The following TBC1D14 variants were observed in gnomAD, a reference collection of about 807,000 sequenced individuals.
TBC1D14 encodes the protein TBC1 domain family, member 14.
TBC1D14 carries 26 observed loss-of-function variants against 79.0 expected under a neutral mutation model. That is an observed-to-expected ratio of 0.33 (90% confidence interval 0.24 to 0.46). The LOEUF (loss-of-function observed/expected upper bound fraction) is 0.46. Among genes scored for constraint, TBC1D14 ranks in the 20% least tolerant of loss-of-function variants. TBC1D14 has a pLI of 1.00. For synonymous variants in TBC1D14, 394 were observed against 349.9 expected, an observed-to-expected ratio of 1.13 and a Z score of -1.40; for missense variants, 769 against 887.6, an observed-to-expected ratio of 0.87 and a Z score of 1.70.
At chr4:6,992,517 G>A (rs1482272828) in intron 3 of TBC1D14, among the ~76,000 whole-genome samples, 1 of 152,230 alleles carries the variant, frequency 6.6e-6, no homozygotes, top group Non-Finnish European at 1.5e-5. Flanking sequence ...AAAAGCCGAT[G>A]GAAATGGGCA....
chr4:7,021,424 C>T (rs1721822872), intron 12 of TBC1D14, among the ~76,000 whole-genome samples: 5 of 151,984 alleles, frequency 3.3e-5, no homozygotes, highest in Admixed American at 3.3e-4. Context: ...ACAGTGAGAC[C>T]CTATGTCTAC....
At chr4:7,013,904 T>C (rs958078539) in intron 11 of TBC1D14, among the ~76,000 whole-genome samples, 3 of 152,116 alleles carry the variant, frequency 2.0e-5, no homozygotes, top group Non-Finnish European at 2.9e-5. Context: ...CCACCACGCC[T>C]GGCTAATTTT....
chr4:6,919,078 C>G (rs1396879222), intron 1 of TBC1D14, among the ~76,000 whole-genome samples: 1 of 151,966 alleles, frequency 6.6e-6, no homozygotes, highest in African/African-American at 2.4e-5. Flanking sequence ...CGGATTCTTT[C>G]AGATCTTGAC....
rs572363741 is a variant in TBC1D14, at chr4:6,931,886, CA to C, written c.722+7776del. Among the ~76,000 whole-genome samples, 49 of 152,140 alleles carry C rather than the reference CA, an allele frequency of 3.2e-4. No individual in the cohort carries two copies. The South Asian group carries it at 1.0e-2, about 31-fold the overall frequency. ...TGTCCTCGCAGAGCTTAAGTTCTAG[CA>C]GAGGGTGCTGATGGTAAACACAGTG... On this transcript the variant is annotated intron_variant, in intron 2 of 13. Coordinates refer to ENST00000409757, the MANE Select transcript of TBC1D14 (RefSeq NM_020773.3).
At chr4:6,943,213 T>G (rs1428419786) in intron 2 of TBC1D14, among the ~76,000 whole-genome samples, 1 of 152,126 alleles carries the variant, frequency 6.6e-6, no homozygotes, top group East Asian at 1.9e-4. Flanking sequence ...CAGAGTTAAT[T>G]GGCTGGAATG....
At chr4:6,925,583 G>C (rs1307967449) in intron 2 of TBC1D14, among the ~76,000 whole-genome samples, 2 of 152,152 alleles carry the variant, frequency 1.3e-5, no homozygotes, top group African/African-American at 4.8e-5. Context: ...TCTGTGGTGT[G>C]GTCTGTGGTT....
intron 2 of TBC1D14, among the ~76,000 whole-genome samples, chr4:6,930,306 G>A (rs950750831): frequency 2.0e-5 from 3 of 152,196 alleles, no homozygotes; most frequent in African/African-American, 7.2e-5. Flanking sequence ...TTGAAAGTGT[G>A]GGAGTGAGGC....
intron 12 of TBC1D14, among the ~76,000 whole-genome samples, chr4:7,022,032 A>G (rs1361718608): frequency 6.6e-6 from 1 of 152,258 alleles, no homozygotes; most frequent in East Asian, 1.9e-4. Flanking sequence ...CTGGCTTTCA[A>G]ATCTAAATGT....
intron 9 of TBC1D14, chr4:7,007,698 A>T: frequency 1.0e-6 from 1 of 966,624 alleles, no homozygotes; most frequent in East Asian, 6.2e-5. Context: ...GTTTCCTGGA[A>T]CCCTGCTTCT....
At chr4:6,941,586 A>G (rs540533658) in intron 2 of TBC1D14, among the ~76,000 whole-genome samples, 1 of 152,278 alleles carries the variant, frequency 6.6e-6, no homozygotes, top group African/African-American at 2.4e-5. Context: ...TGTCAGTAAC[A>G]TTCAGGAATG....
At position 7,006,275 on chromosome 4, in the gene TBC1D14, A is replaced by G. The variant is rs868594323; in HGVS notation, c.1352-357A>G. Among the ~76,000 whole-genome samples, 5 of 151,130 alleles carry G rather than the reference A, an allele frequency of 3.3e-5. No individual in the cohort carries two copies. The South Asian group carries it at 8.3e-4, about 25-fold the overall frequency. On this transcript the variant is annotated intron_variant, in intron 8 of 13. Coordinates refer to ENST00000409757, the MANE Select transcript of TBC1D14 (RefSeq NM_020773.3). The stretch of plus-strand genomic sequence containing the variant: ...GATGTTTGAGATCGAGCAGTGATAT[A>G]TGTGTGTGTGTGTGTGTGTTTATGC...
At chr4:6,910,547 C>G (rs1012710893) in intron 1 of TBC1D14, 5 of 152,350 alleles carry the variant, frequency 3.3e-5, no homozygotes, top group Non-Finnish European at 5.9e-5. Context: ...CATTACCGGG[C>G]CGCGAAGACC....
At position 6,909,955 on chromosome 4, in the gene TBC1D14, C is replaced by T. The variant is rs903353762; in HGVS notation, c.-18+4C>T. 6.8e-6 allele frequency: 1 copy of T among 147,722 alleles called. No individual in the cohort carries two copies. Among genetic ancestry groups the T allele is most frequent in the African/African-American group, 2.4e-5 (1 of 40,996 alleles). The allele number at this position is 147,722 out of a possible 1,614,324, so 9.2% of individuals were successfully genotyped here. On this transcript the variant is annotated splice_donor_region_variant and intron_variant, in intron 1 of 13. Transcript: ENST00000409757. ...CGTCGGAGCCGCGCTAACTCCGGTA[C>T]TGAGAGCCTCCCGCGAGGGCCGGGC...
chr4:7,001,556 G>A, intron 7 of TBC1D14: 1 of 313,082 alleles, frequency 3.2e-6, no homozygotes, highest in Non-Finnish European at 6.0e-6. Context: ...AGCCTTGCCT[G>A]CGACGTGAGT....
rs1722954116 is a variant in TBC1D14, at chr4:7,030,552, T to C, written c.*160T>C. 3 of 678,208 alleles carry C rather than the reference T, an allele frequency of 4.4e-6. No homozygotes were observed. Among genetic ancestry groups the C allele is most frequent in the Non-Finnish European group, 7.4e-6 (3 of 406,458 alleles). The allele number at this position is 678,208 out of a possible 1,614,324, so 42.0% of individuals were successfully genotyped here. ...TTAAACAAAACAAACACAAAAACTT[T>C]TAAAGAATTAAACCAAGGCTTAGCC... On this transcript the variant is annotated 3_prime_UTR_variant, in exon 14 of 14. Transcript: ENST00000409757.
chr4:6,968,441 G>T (rs1007561686), intron 3 of TBC1D14, among the ~76,000 whole-genome samples: 18 of 152,182 alleles, frequency 1.2e-4, no homozygotes, highest in African/African-American at 4.3e-4. Context: ...TTTAAAACTC[G>T]CAACAACCTT....
intron 3 of TBC1D14, among the ~76,000 whole-genome samples, chr4:6,971,370 C>T (rs1024652066): frequency 5.9e-5 from 9 of 152,174 alleles, no homozygotes; most frequent in Non-Finnish European, 1.2e-4. Flanking sequence ...TCAATAGGTC[C>T]GATTTGTGGT....
At chr4:6,943,467 G>C (rs28757648) in intron 2 of TBC1D14, among the ~76,000 whole-genome samples, 1 of 152,170 alleles carries the variant, frequency 6.6e-6, no homozygotes, top group Non-Finnish European at 1.5e-5. Context: ...TGTGGCCTAC[G>C]GGGCGTGCAG....
intron 2 of TBC1D14, among the ~76,000 whole-genome samples, chr4:6,949,116 G>C (rs1276613896): frequency 6.6e-6 from 1 of 152,072 alleles, no homozygotes; most frequent in East Asian, 2.0e-4. Context: ...GGTGGTTGCA[G>C]TGAGCTGAGA....
Sources: allele counts gnomAD v4.1 joint callset (sites outside exome capture counted in the v4.1 genomes callset), GRCh38; gene constraint gnomAD v4.1.1; transcripts MANE v1.5; gene names NCBI Gene and HGNC (gene_info 2026-07-23, HGNC 2026-07-21).